The following ESR1 variants were observed in gnomAD, a reference collection of about 807,000 sequenced individuals.
The protein encoded by ESR1 is estrogen receptor 1.
In ESR1, 12 loss-of-function variants were observed where a neutral mutation model predicts 52.7. The observed-to-expected ratio is 0.23, with a 90% CI of 0.15 to 0.37. The LOEUF is 0.37. Among genes scored for constraint, ESR1 ranks in the 10% least tolerant of loss-of-function variants. The pLI is 1.00. For missense variants in ESR1, 584 were observed against 779.7 expected (o/e 0.75, Z 2.99); for synonymous variants, 305 against 316.8 (o/e 0.96, Z 0.39).
At chr6:151,705,354 GT>G (rs1020857328) in intron 2 of ESR1, among the ~76,000 whole-genome samples, 1 of 152,084 alleles carries the variant, frequency 6.6e-6, no homozygotes, top group Non-Finnish European at 1.5e-5. Context: ...CATGCCATCA[GT>G]TTTGCTTTCC....
At chr6:152,008,301 T>C (rs748172897) in intron 4 of ESR1, among the ~76,000 whole-genome samples, 33 of 152,252 alleles carry the variant, frequency 2.2e-4, no homozygotes, top group Admixed American at 3.9e-4. Context: ...AACCCTTGTC[T>C]GCAGGCAATA....
chr6:152,035,209 A>G (rs1357792636), intron 5 of ESR1, among the ~76,000 whole-genome samples: 1 of 152,084 alleles, frequency 6.6e-6, no homozygotes, highest in Non-Finnish European at 1.5e-5. Context: ...CCAAATGTCT[A>G]CAAGAAGGGC....
intron 3 of ESR1, among the ~76,000 whole-genome samples, chr6:151,905,635 A>G (rs1797319273): frequency 6.6e-6 from 1 of 152,158 alleles, no homozygotes; most frequent in South Asian, 2.1e-4. Context: ...CTATTTTTTG[A>G]TTAAAAAAAG....
intron 1 of ESR1, chr6:151,690,756 C>T (rs529399635): frequency 6.6e-6 from 1 of 152,322 alleles, no homozygotes; most frequent in East Asian, 1.9e-4. Context: ...GAGCTTACCT[C>T]TCATCTTTAA....
At chr6:152,004,452 A>G (rs935765521) in intron 4 of ESR1, among the ~76,000 whole-genome samples, 2 of 152,002 alleles carry the variant, frequency 1.3e-5, no homozygotes, top group Non-Finnish European at 1.5e-5. Context: ...AGGTCTTGGT[A>G]AAGGAGAGAC....
chr6:151,703,413 AC>A, intron 2 of ESR1, among the ~76,000 whole-genome samples: 1 of 152,084 alleles, frequency 6.6e-6, no homozygotes, highest in African/African-American at 2.4e-5. Flanking sequence ...GTTTAGAAGC[AC>A]CCCGCCCCGT....
rs150764173 is a variant in ESR1, at chr6:151,918,597, G to C, written c.761-25576G>C. Among the ~76,000 whole-genome samples, 3 of 152,296 alleles carry C rather than the reference G, an allele frequency of 2.0e-5. No homozygotes were observed. The East Asian group carries it at 5.8e-4, about 29-fold the overall frequency. Reference sequence around the variant, plus strand: ...TGGTAGACATGCTAGTGGATGAGAGGGAAGGACAGAAGCAGTTAGTAAACA... The same window carrying C: ...TGGTAGACATGCTAGTGGATGAGAGCGAAGGACAGAAGCAGTTAGTAAACA... On this transcript the variant is annotated intron_variant, in intron 3 of 7. Coordinates refer to ENST00000206249, the MANE Select transcript of ESR1 (RefSeq NM_000125.4).
chr6:151,978,108 G>A (rs1023112550), intron 4 of ESR1, among the ~76,000 whole-genome samples: 5 of 152,122 alleles, frequency 3.3e-5, no homozygotes, highest in African/African-American at 1.2e-4. Context: ...TGTGAAATAT[G>A]TTTAAGATGT....
chr6:152,052,597 G>A (rs114620773), intron 5 of ESR1, among the ~76,000 whole-genome samples: 3,135 of 152,032 alleles, frequency 0.021, 100 homozygotes, highest in African/African-American at 0.07. Context: ...TAGTTACCCC[G>A]TGGTCTTTTA....
At chr6:152,035,276 A>G (rs2045190541) in intron 5 of ESR1, among the ~76,000 whole-genome samples, 1 of 151,268 alleles carries the variant, frequency 6.6e-6, no homozygotes, top group African/African-American at 2.4e-5. Context: ...AATACAAAAC[A>G]TAATTATACA....
intron 3 of ESR1, among the ~76,000 whole-genome samples, chr6:151,895,629 T>A (rs145679638): frequency 1.4e-4 from 21 of 152,336 alleles, no homozygotes; most frequent in African/African-American, 5.1e-4. Context: ...TTTCTGTATC[T>A]ATTGCGATTA....
intron 5 of ESR1, among the ~76,000 whole-genome samples, chr6:152,057,540 C>T (rs145396842): frequency 4.1e-4 from 62 of 152,266 alleles, no homozygotes; most frequent in African/African-American, 1.4e-3. Flanking sequence ...CATATCCCCC[C>T]AGAAGCCCTC....
rs886061188 is a variant in ESR1 at position 152,121,987 on chromosome 6, A to T, written c.851-3279A>T. On this transcript the variant is annotated intron_variant, in intron 6 of 6. Coordinates refer to the ESR1 transcript ENST00000427531. Reference sequence around the variant, plus strand: ...TAAAAATTGTATGTTACAAGGTTCTAAAATCTCTTCAGCACTGGTTGGTTG... The same window carrying T: ...TAAAAATTGTATGTTACAAGGTTCTTAAATCTCTTCAGCACTGGTTGGTTG... 11 of 185,286 alleles carry T rather than the reference A, an allele frequency of 5.9e-5. No homozygotes were observed. Among genetic ancestry groups the T allele is most frequent in the Non-Finnish European group, 8.1e-5 (7 of 86,112 alleles). 11.5% of individuals were successfully genotyped at this position (185,286 alleles called of 1,614,324 possible). A position where few individuals can be genotyped will look rare whatever the true frequency, so the allele number is the denominator to read the frequency against.
chr6:151,750,979 C>A lies in ESR1; in HGVS notation c.-71+48974C>A, dbSNP rs148909670. Among the ~76,000 whole-genome samples, 26 of 152,290 alleles carry A rather than the reference C, an allele frequency of 1.7e-4. 1 individual carries two copies. The East Asian group carries it at 4.4e-3, about 26-fold the overall frequency. On this transcript the variant is annotated intron_variant, in intron 2 of 2. Coordinates refer to the ESR1 transcript ENST00000404742. ...TGCAAAATGCAGCAAAAGCAGACAGCCTTGGAGAACTGAAGCTTAAATAGC... is the reference window on the plus strand; with the variant it reads ...TGCAAAATGCAGCAAAAGCAGACAGACTTGGAGAACTGAAGCTTAAATAGC...
At chr6:151,788,406 C>T (rs1219300622) in intron 2 of ESR1, among the ~76,000 whole-genome samples, 1 of 152,164 alleles carries the variant, frequency 6.6e-6, no homozygotes, top group Non-Finnish European at 1.5e-5. Context: ...AATGAGATAC[C>T]ATCTCACACC....
In ESR1 at chr6:151,672,629, G is replaced by A. The variant is rs549986500; in HGVS notation, n.73+15866G>A. ...TGGGATAACAGGCGTGAGCCACTGC[G>A]CCAGGTCATTTTTTTGTATTTTTAA... On this transcript the variant is annotated intron_variant and non_coding_transcript_variant, in intron 1 of 2. Transcript: ENST00000473497. Among the ~76,000 whole-genome samples the A allele has an allele frequency of 2.8e-4, 43 of 151,864 alleles. 1 individual carries two copies. The highest frequency in any genetic ancestry group is 9.7e-4 in the African/African-American group (40 of 41,426).
At chr6:152,048,480 T>G (rs1013797021) in intron 5 of ESR1, among the ~76,000 whole-genome samples, 20 of 152,160 alleles carry the variant, frequency 1.3e-4, no homozygotes, top group Non-Finnish European at 2.8e-4. Flanking sequence ...TTCTTTTTCT[T>G]CTTGGCATTG....
At chr6:151,839,741 A>G (rs1783974321) in intron 1 of ESR1, among the ~76,000 whole-genome samples, 1 of 152,202 alleles carries the variant, frequency 6.6e-6, no homozygotes. Context: ...TTAATGAGGT[A>G]TCTAGAATTG....
intron 3 of ESR1, among the ~76,000 whole-genome samples, chr6:151,929,347 T>A (rs2033243145): frequency 6.6e-6 from 1 of 152,190 alleles, no homozygotes; most frequent in South Asian, 2.1e-4. Flanking sequence ...CCTTCTTTGG[T>A]AGTCTGCTTT....
Sources: allele counts gnomAD v4.1 joint callset (sites outside exome capture counted in the v4.1 genomes callset), GRCh38; gene constraint gnomAD v4.1.1; transcripts MANE v1.5; gene names NCBI Gene and HGNC (gene_info 2026-07-23, HGNC 2026-07-21).